Variants in NRXN1 observed in about 807,000 individuals in gnomAD.
NRXN1 encodes neurexin 1.
A neutral mutation model predicts 150.9 loss-of-function variants in NRXN1; 39 were observed. The ratio of observed to expected loss-of-function variants is 0.26; its 90% CI spans 0.20 to 0.34. The LOEUF (loss-of-function observed/expected upper bound fraction) is 0.34, where lower values mean the gene tolerates loss of function less well. Ranked by LOEUF, NRXN1 falls within the 10% of genes least tolerant of loss-of-function variation. NRXN1 has a pLI of 1.00. For synonymous variants in NRXN1, 924 were observed against 757.0 expected (o/e 1.22, Z -3.62); for missense variants, 1,815 against 1,949.9 (o/e 0.93, Z 1.30).
At chr2:50,123,470 G>A (rs1265401274) in intron 18 of NRXN1, among the ~76,000 whole-genome samples, 1 of 152,068 alleles carries the variant, frequency 6.6e-6, no homozygotes, top group African/African-American at 2.4e-5. Context: ...GTGTGTGAGG[G>A]GTGCAGTCAA....
At chr2:50,242,560 T>C (rs956008309) in intron 17 of NRXN1, among the ~76,000 whole-genome samples, 1 of 151,740 alleles carries the variant, frequency 6.6e-6, no homozygotes, top group South Asian at 2.1e-4. Context: ...AGTGAACATC[T>C]TAGGAGAAGT....
intron 8 of NRXN1, chr2:50,554,545 C>T (rs1667957809): frequency 6.6e-6 from 1 of 152,078 alleles, no homozygotes; most frequent in African/African-American, 2.4e-5. Context: ...AGAAAATACA[C>T]ATAAGTGGGA....
chr2:50,216,950 C>A (rs2063444006), intron 18 of NRXN1, among the ~76,000 whole-genome samples: 1 of 151,996 alleles, frequency 6.6e-6, no homozygotes, highest in South Asian at 2.1e-4. Flanking sequence ...GTGATAGAAC[C>A]TATTTAATGT....
intron 17 of NRXN1, among the ~76,000 whole-genome samples, chr2:50,265,245 A>G (rs2068716569): frequency 6.6e-6 from 1 of 152,110 alleles, no homozygotes; most frequent in Admixed American, 6.5e-5. Flanking sequence ...AAGGACAACA[A>G]ACACCGAAAA....
At chr2:50,908,625 A>T (rs1684075349) in intron 5 of NRXN1, among the ~76,000 whole-genome samples, 1 of 151,372 alleles carries the variant, frequency 6.6e-6, no homozygotes, top group South Asian at 2.1e-4. Context: ...GAACCAAAAA[A>T]TAAAATATGG....
chr2:49,998,582 G>GA (rs1322205743), intron 21 of NRXN1, among the ~76,000 whole-genome samples: 1 of 151,960 alleles, frequency 6.6e-6, no homozygotes, highest in Non-Finnish European at 1.5e-5. Context: ...AATGTAAAAT[G>GA]AACCAATTTT....
intron 17 of NRXN1, among the ~76,000 whole-genome samples, chr2:50,457,170 C>T (rs948743093): frequency 7.2e-5 from 11 of 152,098 alleles, no homozygotes; most frequent in African/African-American, 2.7e-4. Flanking sequence ...ATGCTTTTGA[C>T]AGCTCACTCT....
At chr2:50,265,995 ATTATTTATT>A (rs1275200377) in intron 17 of NRXN1, among the ~76,000 whole-genome samples, 11 of 76,834 alleles carry the variant, frequency 1.4e-4, no homozygotes, top group East Asian at 6.0e-4. Flanking sequence ...TATTATTATT[ATTATTTATT>A]TTTTTTTTTT....
In NRXN1 at chr2:50,289,310, C is replaced by T. The variant is rs1053817307; in HGVS notation, c.3365-52340G>A. 2.6e-5 allele frequency among the ~76,000 whole-genome samples: 4 copies of T among 152,076 alleles called. No homozygotes were observed. In the East Asian group the frequency reaches 7.7e-4, roughly 29 times the overall value. ...ACTAAAAGAGGTAGCTGTTAGGTGC[C>T]CTTCTCACAATGCAAATGAGGAGTG... is the stretch of plus-strand genomic sequence containing the variant. On this transcript the variant is annotated intron_variant, in intron 17 of 22. Transcript: ENST00000401669.
intron 21 of NRXN1, among the ~76,000 whole-genome samples, chr2:50,042,619 C>T (rs1691172926): frequency 6.6e-6 from 1 of 152,046 alleles, no homozygotes; most frequent in Non-Finnish European, 1.5e-5. Context: ...ATTCTGTGTT[C>T]ATTATTTATT....
intron 17 of NRXN1, among the ~76,000 whole-genome samples, chr2:50,368,717 G>A (rs1035438052): frequency 1.3e-5 from 2 of 151,906 alleles, no homozygotes; most frequent in East Asian, 3.9e-4. Flanking sequence ...AAGAGAAGTA[G>A]GCTAATTTTT....
At chr2:50,666,869 GA>G (rs1363241810) in intron 5 of NRXN1, among the ~76,000 whole-genome samples, 25 of 86,960 alleles carry the variant, frequency 2.9e-4, no homozygotes, top group African/African-American at 5.0e-4. Flanking sequence ...TGATGATGAT[GA>G]TGATGATGAT....
In NRXN1 at chr2:50,346,003, G is replaced by A. The variant is rs1462234282; in HGVS notation, c.3365-109033C>T. On this transcript the variant is annotated intron_variant, in intron 17 of 22. Coordinates refer to ENST00000401669, the MANE Select transcript of NRXN1 (RefSeq NM_001330078.2). This position sits in a 1 kb window ranked among gnomAD's most constrained non-coding sequence, Gnocchi z 5.0. Reference sequence around the variant, plus strand: ...TACCAAGAAAAAGACATATATTTATGTGCAGAGTGGATGGAAGGGGAATGG... The same window carrying A: ...TACCAAGAAAAAGACATATATTTATATGCAGAGTGGATGGAAGGGGAATGG... Among the ~76,000 whole-genome samples the A allele has an allele frequency of 6.6e-6, 1 of 152,224 alleles. No homozygotes were observed. The highest frequency in any genetic ancestry group is 2.4e-5 in the African/African-American group (1 of 41,462).
chr2:50,160,414 G>T (rs1054704627), intron 18 of NRXN1, among the ~76,000 whole-genome samples: 1 of 151,988 alleles, frequency 6.6e-6, no homozygotes, highest in Non-Finnish European at 1.5e-5. Flanking sequence ...GGTGATGCAT[G>T]CCTGTAATCC....
At chr2:49,974,312 C>CCCGGCA in intron 21 of NRXN1, 1 of 487,406 alleles carries the variant, frequency 2.1e-6, no homozygotes. Flanking sequence ...CACAGCCCAG[C>CCCGGCA]CCGGCACCAC....
intron 21 of NRXN1, among the ~76,000 whole-genome samples, chr2:50,026,859 C>CTTTCTTTTTTTTTTTT (rs1688381537): frequency 3.1e-5 from 2 of 65,234 alleles, no homozygotes; most frequent in Non-Finnish European, 5.3e-5. Flanking sequence ...CTTTTCTTTT[C>CTTTCTTTTTTTTTTTT]TTTTTTTTTT....
intron 17 of NRXN1, among the ~76,000 whole-genome samples, chr2:50,365,389 G>A (rs543885089): frequency 5.7e-4 from 86 of 151,882 alleles, no homozygotes; most frequent in African/African-American, 2.1e-3. Flanking sequence ...AAATAATAAA[G>A]GAAAATAATA....
intron 21 of NRXN1, among the ~76,000 whole-genome samples, chr2:49,976,995 A>G (rs1022204632): frequency 2.6e-5 from 4 of 152,174 alleles, no homozygotes; most frequent in African/African-American, 4.8e-5. Flanking sequence ...AATAACATCC[A>G]TGTTTTTACC....
chr2:50,714,249 A>G (rs1695570402), intron 5 of NRXN1, among the ~76,000 whole-genome samples: 1 of 152,126 alleles, frequency 6.6e-6, no homozygotes, highest in Admixed American at 6.5e-5. Flanking sequence ...TTGCACTTTA[A>G]TCCTCTGGAA....
Sources: allele counts gnomAD v4.1 joint callset (sites outside exome capture counted in the v4.1 genomes callset), GRCh38; gene constraint gnomAD v4.1.1; non-coding constraint Gnocchi (gnomAD v3.1); transcripts MANE v1.5; gene names NCBI Gene and HGNC (gene_info 2026-07-23, HGNC 2026-07-21).